The following FBXL7 variants were observed in gnomAD, a reference collection of about 807,000 sequenced individuals.
The protein encoded by FBXL7 is F-box/LRR-repeat protein 7.
FBXL7 carries 12 observed loss-of-function variants against 38.3 expected under a neutral mutation model. The observed-to-expected ratio is 0.31, with a 90% CI of 0.20 to 0.51. The LOEUF is 0.51. Among genes scored for constraint, FBXL7 ranks in the 20% least tolerant of loss-of-function variants. FBXL7 has a pLI of 0.98. For synonymous variants in FBXL7, 297 were observed against 300.9 expected (o/e 0.99, Z 0.13); for missense variants, 567 against 676.4 (o/e 0.84, Z 1.79).
intron 2 of FBXL7, among the ~76,000 whole-genome samples, chr5:15,670,284 C>T (rs1468824582): frequency 3.3e-5 from 5 of 152,180 alleles, no homozygotes; most frequent in African/African-American, 1.2e-4. Flanking sequence ...AATAAAACTT[C>T]TAATTTCATC....
intron 2 of FBXL7, among the ~76,000 whole-genome samples, chr5:15,651,034 CAG>C: frequency 6.6e-6 from 1 of 151,584 alleles, no homozygotes; most frequent in East Asian, 1.9e-4. Flanking sequence ...TTCAGTTTTA[CAG>C]ATTCATCAGA....
At chr5:15,691,803 T>G (rs1368500997) in intron 2 of FBXL7, among the ~76,000 whole-genome samples, 1 of 152,146 alleles carries the variant, frequency 6.6e-6, no homozygotes, top group Non-Finnish European at 1.5e-5. Flanking sequence ...TTTCATCATC[T>G]TCTGAGATGA....
intron 2 of FBXL7, among the ~76,000 whole-genome samples, chr5:15,877,252 T>G (rs1740249281): frequency 6.6e-6 from 1 of 152,196 alleles, no homozygotes; most frequent in Non-Finnish European, 1.5e-5. Flanking sequence ...TCCTACTTAT[T>G]CCATGATTAT....
At chr5:15,919,687 A>G (rs539892976) in intron 2 of FBXL7, among the ~76,000 whole-genome samples, 2 of 152,348 alleles carry the variant, frequency 1.3e-5, no homozygotes, top group East Asian at 3.9e-4. Flanking sequence ...TATTACATTT[A>G]TAATGAGAAA....
intron 1 of FBXL7, among the ~76,000 whole-genome samples, chr5:15,538,068 C>A (rs187891403): frequency 2.0e-5 from 3 of 152,308 alleles, no homozygotes; most frequent in Non-Finnish European, 4.4e-5. Context: ...TTCTGCACAT[C>A]TTGTTTCTCT....
chr5:15,655,076 A>C (rs571360039), intron 2 of FBXL7, among the ~76,000 whole-genome samples: 1 of 152,226 alleles, frequency 6.6e-6, no homozygotes, highest in Non-Finnish European at 1.5e-5. Context: ...TGGCCATATT[A>C]AGATAGCTAC....
At chr5:15,781,103 A>G (rs549158761) in intron 2 of FBXL7, among the ~76,000 whole-genome samples, 2 of 152,308 alleles carry the variant, frequency 1.3e-5, no homozygotes, top group East Asian at 3.9e-4. Context: ...CGGTACCACA[A>G]TGGTCCCGTT....
chr5:15,780,288 T>G (rs1736959934), intron 2 of FBXL7, among the ~76,000 whole-genome samples: 1 of 152,106 alleles, frequency 6.6e-6, no homozygotes, highest in Non-Finnish European at 1.5e-5. Flanking sequence ...GAAACCATAT[T>G]TGTGTTACTG....
intron 2 of FBXL7, among the ~76,000 whole-genome samples, chr5:15,889,424 G>T (rs1458674515): frequency 6.6e-6 from 1 of 152,272 alleles, no homozygotes; most frequent in East Asian, 1.9e-4. Flanking sequence ...TCACTAAGCG[G>T]CAGAGATTTT....
intron 2 of FBXL7, among the ~76,000 whole-genome samples, chr5:15,748,525 G>A (rs1161854535): frequency 6.6e-6 from 1 of 152,098 alleles, no homozygotes; most frequent in Non-Finnish European, 1.5e-5. Context: ...CCCTACATAA[G>A]CCCTCTCTTG....
intron 2 of FBXL7, among the ~76,000 whole-genome samples, chr5:15,857,477 G>C (rs766154812): frequency 6.6e-6 from 1 of 152,120 alleles, no homozygotes; most frequent in Non-Finnish European, 1.5e-5. Flanking sequence ...TAGGCAATAT[G>C]GTCCCAGAGT....
At chr5:15,707,578 G>T (rs1470964863) in intron 2 of FBXL7, among the ~76,000 whole-genome samples, 3 of 152,142 alleles carry the variant, frequency 2.0e-5, no homozygotes, top group African/African-American at 7.2e-5. Context: ...GGAACTTTGT[G>T]AGGAATAAGA....
intron 1 of FBXL7, among the ~76,000 whole-genome samples, chr5:15,610,492 C>T (rs1740196102): frequency 6.6e-6 from 1 of 152,190 alleles, no homozygotes; most frequent in Non-Finnish European, 1.5e-5. Flanking sequence ...AATAGCTTGA[C>T]TTGCAAGAAT....
intron 2 of FBXL7, among the ~76,000 whole-genome samples, chr5:15,741,372 C>A: frequency 1.3e-5 from 2 of 152,210 alleles, no homozygotes; most frequent in East Asian, 3.9e-4. Context: ...TACATGTGAG[C>A]GTTTGTGTAT....
chr5:15,674,634 A>T (rs1000487130), intron 2 of FBXL7, among the ~76,000 whole-genome samples: 5 of 152,212 alleles, frequency 3.3e-5, no homozygotes, highest in African/African-American at 1.2e-4. Context: ...TTTTGGTTTT[A>T]ACTAAAAAAA....
At chr5:15,757,768 C>A (rs1299858370) in intron 2 of FBXL7, among the ~76,000 whole-genome samples, 1 of 152,058 alleles carries the variant, frequency 6.6e-6, no homozygotes, top group Admixed American at 6.6e-5. Context: ...TATGTGGAAA[C>A]GTTTTGTGCA....
intron 2 of FBXL7, among the ~76,000 whole-genome samples, chr5:15,847,273 A>C (rs1425441432): frequency 6.6e-6 from 1 of 152,192 alleles, no homozygotes; most frequent in Non-Finnish European, 1.5e-5. Flanking sequence ...TCATGGTGGA[A>C]GGGGAAGCAA....
In FBXL7 at chr5:15,566,694, C is replaced by T. The variant is rs189963168; in HGVS notation, c.38-49289C>T. On this transcript the variant is annotated intron_variant, in intron 1 of 3. Coordinates refer to ENST00000504595, the MANE Select transcript of FBXL7 (RefSeq NM_012304.5). ...GCAAATGAATAAATAATACTAAAAG[C>T]ATTTGGAAAAGCAAATGATTACTTT... is the stretch of plus-strand genomic sequence containing the variant. Among the ~76,000 whole-genome samples, 851 of 152,190 alleles carry T rather than the reference C, an allele frequency of 5.6e-3. 4 individuals carry two copies. Among genetic ancestry groups the T allele is most frequent in the Non-Finnish European group, 9.0e-3 (609 of 68,000 alleles).
chr5:15,621,733 G>A (rs1374113994), intron 2 of FBXL7, among the ~76,000 whole-genome samples: 1 of 152,142 alleles, frequency 6.6e-6, no homozygotes, highest in Non-Finnish European at 1.5e-5. Context: ...GTCAGCTTTG[G>A]CCAGCTGTTC....
Sources: allele counts gnomAD v4.1 joint callset (sites outside exome capture counted in the v4.1 genomes callset), GRCh38; gene constraint gnomAD v4.1.1; transcripts MANE v1.5; gene names NCBI Gene and HGNC (gene_info 2026-07-23, HGNC 2026-07-21).